The following GRIN2B variants were observed in gnomAD, a reference collection of about 807,000 sequenced individuals.
The protein encoded by GRIN2B is glutamate ionotropic receptor NMDA type subunit 2B.
GRIN2B carries 5 observed loss-of-function variants against 114.5 expected under a neutral mutation model. The ratio of observed to expected loss-of-function variants is 0.04; its 90% confidence interval spans 0.02 to 0.09. The LOEUF is 0.09. Ranked by LOEUF, GRIN2B falls within the 10% of genes least tolerant of loss-of-function variation. The pLI is 1.00. For missense variants in GRIN2B, 1,108 were observed against 1,943.5 expected (o/e 0.57, Z 8.08); for synonymous variants, 787 against 745.1 (o/e 1.06, Z -0.92).
At chr12:13,869,209 C>T (rs1239615111) in intron 2 of GRIN2B, among the ~76,000 whole-genome samples, 1 of 151,460 alleles carries the variant, frequency 6.6e-6, no homozygotes, top group African/African-American at 2.4e-5. Context: ...GCACTTATAA[C>T]CTAGAGAACT....
At chr12:13,793,766 G>A (rs1648698434) in intron 3 of GRIN2B, among the ~76,000 whole-genome samples, 1 of 152,112 alleles carries the variant, frequency 6.6e-6, no homozygotes, top group African/African-American at 2.4e-5. Context: ...TGTGTTCCAG[G>A]GGGATTCTTC....
chr12:13,612,009 A>T (rs1249746186), intron 8 of GRIN2B, among the ~76,000 whole-genome samples, 159 bp from the exon 9 acceptor site: 2 of 152,224 alleles, frequency 1.3e-5, no homozygotes, highest in African/African-American at 4.8e-5. Context: ...GTACTGAACC[A>T]TTTCCTTAAA....
chr12:13,694,946 C>G (rs926017617), intron 4 of GRIN2B, among the ~76,000 whole-genome samples: 3 of 151,808 alleles, frequency 2.0e-5, no homozygotes, highest in Non-Finnish European at 4.4e-5. Context: ...ATTCTTCCCT[C>G]TTCATAAGAC....
intron 5 of GRIN2B, among the ~76,000 whole-genome samples, chr12:13,666,747 T>A (rs1481650079): frequency 1.3e-5 from 2 of 152,146 alleles, no homozygotes; most frequent in Non-Finnish European, 2.9e-5. Flanking sequence ...AGCCTGTGCA[T>A]GGCTGGTACA....
chr12:13,568,203 T>G (rs1948665592), intron 12 of GRIN2B, among the ~76,000 whole-genome samples: 1 of 152,112 alleles, frequency 6.6e-6, no homozygotes. Context: ...CACCAGATGC[T>G]AGGAAGTAGG....
At position 13,563,070 on chromosome 12, in the gene GRIN2B, T is replaced by C; in HGVS notation, c.4168A>G (p.Thr1390Ala). The part of the protein sequence containing the change: ...DRVTQNPFIP[T>A]FGDDQCLLHG... ...AGCAAGCACTGGTCGTCCCCAAAAG[T>C]GGGGATGAAAGGGTTTTGCGTGACC... The change falls in exon 14 of 14, where the codon ACT becomes GCT. Residue 1390 changes from threonine (T) to alanine (A), a missense_variant. Thr to Ala is a moderately conservative substitution (Grantham distance 58, BLOSUM62 0). Transcript: ENST00000609686. 2 of 1,613,916 alleles carry C rather than the reference T, an allele frequency of 1.2e-6. No homozygotes were observed. Among genetic ancestry groups the C allele is most frequent in the Non-Finnish European group, 1.7e-6 (2 of 1,179,962 alleles).
chr12:13,633,726 G>A (rs984706508), intron 5 of GRIN2B, among the ~76,000 whole-genome samples: 2 of 152,158 alleles, frequency 1.3e-5, no homozygotes, highest in Non-Finnish European at 2.9e-5. Context: ...TCTTGATTAT[G>A]TCTCATAATA....
chr12:13,572,944 T>C (rs968780167), intron 10 of GRIN2B, among the ~76,000 whole-genome samples: 6 of 152,240 alleles, frequency 3.9e-5, no homozygotes, highest in African/African-American at 1.4e-4. Context: ...GCAATTACTC[T>C]CTAAATGTGC....
intron 5 of GRIN2B, among the ~76,000 whole-genome samples, chr12:13,627,766 C>T (rs1380115083): frequency 6.6e-6 from 1 of 152,192 alleles, no homozygotes; most frequent in Non-Finnish European, 1.5e-5. Flanking sequence ...CTTGGACAGC[C>T]ACAGAGTCTA....
intron 4 of GRIN2B, among the ~76,000 whole-genome samples, chr12:13,682,572 T>G (rs1377157186): frequency 6.6e-6 from 1 of 152,224 alleles, no homozygotes; most frequent in African/African-American, 2.4e-5. Flanking sequence ...CATATCACAG[T>G]TATTTAAATT....
chr12:13,973,764 C>T (rs1862971434), intron 2 of GRIN2B, among the ~76,000 whole-genome samples: 1 of 152,114 alleles, frequency 6.6e-6, no homozygotes, highest in Non-Finnish European at 1.5e-5. Context: ...GTTTCTTCTG[C>T]TAATGAAACA....
intron 3 of GRIN2B, among the ~76,000 whole-genome samples, chr12:13,853,252 T>C (rs1865602552): frequency 6.6e-6 from 1 of 152,214 alleles, no homozygotes; most frequent in East Asian, 1.9e-4. Flanking sequence ...TGAGGACATG[T>C]CTCTCTTACT....
At chr12:13,923,473 T>C (rs1309685361) in intron 2 of GRIN2B, among the ~76,000 whole-genome samples, 1 of 152,204 alleles carries the variant, frequency 6.6e-6, no homozygotes, top group East Asian at 1.9e-4. Flanking sequence ...TTGCATAAAG[T>C]ACAACACATC....
intron 3 of GRIN2B, among the ~76,000 whole-genome samples, chr12:13,830,256 T>C (rs1865122156): frequency 1.3e-5 from 2 of 152,222 alleles, no homozygotes; most frequent in Non-Finnish European, 2.9e-5. Flanking sequence ...TTTTTGTGAA[T>C]TGTATTATAA....
intron 4 of GRIN2B, among the ~76,000 whole-genome samples, chr12:13,752,988 C>T (rs1591712034): frequency 2.0e-5 from 3 of 152,308 alleles, no homozygotes; most frequent in South Asian, 2.1e-4. Flanking sequence ...GTATAATTTA[C>T]ACCTCCAAGC....
intron 2 of GRIN2B, among the ~76,000 whole-genome samples, chr12:13,971,520 T>C (rs1475505385): frequency 6.6e-6 from 1 of 152,188 alleles, no homozygotes; most frequent in East Asian, 1.9e-4. Flanking sequence ...TTTAATATTC[T>C]ACTTCAGGCA....
chr12:13,576,254 T>A (rs1029360283), intron 10 of GRIN2B, among the ~76,000 whole-genome samples: 4 of 152,274 alleles, frequency 2.6e-5, no homozygotes, highest in Admixed American at 1.3e-4. Context: ...GGAAAAATAA[T>A]TTCCAAATAT....
rs557782654 is a variant in GRIN2B at position 13,639,095 on chromosome 12, C to A, written c.1126-22438G>T. Among the ~76,000 whole-genome samples, 7 of 152,120 alleles carry A rather than the reference C, an allele frequency of 4.6e-5. No homozygotes were observed. In the South Asian group the frequency reaches 1.5e-3, roughly 32 times the overall value. ...TGAGGAGGGAGAAAAGTTGAGTTGC[C>A]CAAGGTCATTGGGCTAATGAGTTGC... On this transcript the variant is annotated intron_variant, in intron 5 of 13. Transcript: ENST00000609686.
rs143418307 is a variant in GRIN2B, at chr12:13,729,076, G to C, written c.1010+24241C>G. On this transcript the variant is annotated intron_variant, in intron 4 of 13. Coordinates refer to ENST00000609686, the MANE Select transcript of GRIN2B (RefSeq NM_000834.5). ...CGGTATTGTGTCTCCATCTGAGAAAGAGATGAAGTCAGAGACAGAGTTAAA... is the reference window on the plus strand; with the variant it reads ...CGGTATTGTGTCTCCATCTGAGAAACAGATGAAGTCAGAGACAGAGTTAAA... Among the ~76,000 whole-genome samples the C allele has an allele frequency of 7.1e-3, 1,077 of 152,296 alleles. 15 individuals are homozygous for C. Among genetic ancestry groups the C allele is most frequent in the African/African-American group, 0.024 (981 of 41,566 alleles).
Sources: gnomAD v4.1 joint callset for allele counts (sites outside exome capture counted in the v4.1 genomes callset) on GRCh38, gnomAD v4.1.1 for gene constraint, MANE v1.5 for transcripts, NCBI Gene and HGNC (gene_info 2026-07-23, HGNC 2026-07-21) for gene names.